Variants in LRP1B observed in about 807,000 individuals in gnomAD.
LRP1B encodes the protein low-density lipoprotein receptor-related protein 1B.
Under a neutral mutation model 556.6 loss-of-function variants are expected in LRP1B, and 217 were observed. That is an observed-to-expected ratio of 0.39 (90% CI 0.35 to 0.44). The LOEUF is 0.44. Ranked by LOEUF, LRP1B falls within the 20% of genes least tolerant of loss-of-function variation. The probability of loss-of-function intolerance (pLI) is 1.00; values close to 1 mark genes in which losing one functional copy is unlikely to be tolerated. For synonymous variants in LRP1B, 2,047 were observed against 1,865.8 expected (o/e 1.10, Z -2.50); for missense variants, 5,053 against 5,620.8 (o/e 0.90, Z 3.23).
At position 142,062,391 on chromosome 2, in the gene LRP1B, A is replaced by G. The variant is rs566074462; in HGVS notation, c.82+68257T>C. Among the ~76,000 whole-genome samples, 5 of 151,938 alleles carry G rather than the reference A, an allele frequency of 3.3e-5. No individual in the cohort carries two copies. The South Asian group carries it at 1.0e-3, about 32-fold the overall frequency. The stretch of plus-strand genomic sequence containing the variant: ...GCAAGGTCTTTGCTGACCACTGCCT[A>G]TTCACATCTACCATGAAGCCTGCCA... On this transcript the variant is annotated intron_variant, in intron 1 of 90. Coordinates refer to ENST00000389484, the MANE Select transcript of LRP1B (RefSeq NM_018557.3).
At chr2:141,708,140 AT>A (rs1397126223) in intron 2 of LRP1B, among the ~76,000 whole-genome samples, 7 of 152,276 alleles carry the variant, frequency 4.6e-5, no homozygotes, top group African/African-American at 1.2e-4. Flanking sequence ...TCCTAGAACT[AT>A]CCCCATTCCA....
intron 77 of LRP1B, among the ~76,000 whole-genome samples, chr2:140,340,469 C>G (rs1442203342): frequency 6.6e-6 from 1 of 151,364 alleles, no homozygotes; most frequent in Non-Finnish European, 1.5e-5. Flanking sequence ...TTTGTTGGTG[C>G]TTGGGGTGCT....
chr2:140,467,511 G>T (rs1209870064), intron 60 of LRP1B, among the ~76,000 whole-genome samples: 1 of 151,628 alleles, frequency 6.6e-6, no homozygotes, highest in African/African-American at 2.4e-5. Context: ...TACTTGGGAG[G>T]CTGAGCCAGG....
Position 140,779,714 on chromosome 2 carries a change from A to AGT in LRP1B, c.5360-3478_5360-3477dup, listed in dbSNP as rs1553531423. ...TGTCTCAAAAAAAAAAAAAAAAAAA[A>AGT]GTGTGTGTGTGTGTGTGGTGTGTCT... On this transcript the variant is annotated intron_variant, in intron 32 of 90. Coordinates refer to ENST00000389484, the MANE Select transcript of LRP1B (RefSeq NM_018557.3). Among the ~76,000 whole-genome samples the AGT allele has an allele frequency of 4.1e-3, 556 of 136,242 alleles. 7 individuals carry two copies. Among genetic ancestry groups the AGT allele is most frequent in the African/African-American group, 0.01 (362 of 35,760 alleles). The allele number at this position is 136,242 out of a possible 152,430, so 89.4% of individuals were successfully genotyped here.
chr2:141,323,445 C>T (rs1308192336), intron 3 of LRP1B, among the ~76,000 whole-genome samples: 5 of 152,046 alleles, frequency 3.3e-5, no homozygotes, highest in Admixed American at 2.6e-4. Context: ...AAATATCAAA[C>T]ACAATCCTTA....
chr2:141,359,758 GCGCCCCGCCC>G (rs371145040), intron 3 of LRP1B, among the ~76,000 whole-genome samples: 3,022 of 142,256 alleles, frequency 0.021, 120 homozygotes, highest in African/African-American at 0.071. Context: ...TTCGGCCCCC[GCGCCCCGCCC>G]CGCCCCGCCC....
At chr2:140,338,165 G>A (rs1186282282) in intron 77 of LRP1B, among the ~76,000 whole-genome samples, 1 of 151,662 alleles carries the variant, frequency 6.6e-6, no homozygotes, top group Non-Finnish European at 1.5e-5. Context: ...CTGGAACAAG[G>A]AATCCCTAAT....
At chr2:140,867,500 C>T (rs1285354732) in intron 27 of LRP1B, 90 bp downstream of exon 27, 5 of 1,354,460 alleles carry the variant, frequency 3.7e-6, no homozygotes, top group African/African-American at 1.5e-5. Context: ...TAACTTTTAA[C>T]TTATAGAAGT....
In LRP1B at chr2:141,201,294, C is replaced by T. The variant is rs573201510; in HGVS notation, c.851-12711G>A. 8.5e-5 allele frequency among the ~76,000 whole-genome samples: 13 copies of T among 152,240 alleles called. 1 individual carries two copies. The South Asian group carries it at 2.5e-3, about 29-fold the overall frequency. On this transcript the variant is annotated intron_variant, in intron 6 of 90. Transcript: ENST00000389484. Reference sequence around the variant, plus strand: ...ATGTCGTACTAAGGATGAAATACTACCACATCCACTTATGCGTTAAAACTG... The same window carrying T: ...ATGTCGTACTAAGGATGAAATACTATCACATCCACTTATGCGTTAAAACTG...
rs897356892 is a variant in LRP1B, at chr2:140,950,501, T to A, written c.2969-99A>T. The A allele has an allele frequency of 4.4e-5, 45 of 1,021,512 alleles. No homozygotes were observed. The Middle Eastern group carries it at 1.1e-3, about 24-fold the overall frequency. 63.3% of individuals were successfully genotyped at this position (1,021,512 alleles called of 1,614,324 possible). On this transcript the variant is annotated intron_variant, in intron 19 of 90. Transcript: ENST00000389484. ...GGTTTCTGTTGTTGTTGTTGTTTTT[T>A]GAGACAGAGTCTTGCTCTGTCACCC...
intron 3 of LRP1B, among the ~76,000 whole-genome samples, chr2:141,289,273 T>C (rs1573759396): frequency 1.4e-5 from 2 of 145,702 alleles, no homozygotes; most frequent in Admixed American, 7.2e-5. Context: ...TCCCAGCTAC[T>C]GGGGAGGCTG....
intron 35 of LRP1B, among the ~76,000 whole-genome samples, chr2:140,717,705 A>G (rs1687262012): frequency 6.6e-6 from 1 of 152,156 alleles, no homozygotes; most frequent in African/African-American, 2.4e-5. Flanking sequence ...GGCCATTTGA[A>G]GAATAAATCC....
chr2:141,980,042 G>A (rs1180325568), intron 1 of LRP1B, among the ~76,000 whole-genome samples: 2 of 152,096 alleles, frequency 1.3e-5, no homozygotes, highest in Non-Finnish European at 2.9e-5. Flanking sequence ...TGATACAATA[G>A]TCCAAATCAT....
At position 141,830,914 on chromosome 2, in the gene LRP1B, G is replaced by A. The variant is rs115668255; in HGVS notation, c.83-20513C>T. On this transcript the variant is annotated intron_variant, in intron 1 of 90. Transcript: ENST00000389484. ...TCTAGAAAACTAAGCATAGCTAAGT[G>A]CATCTTAAAAATTCTCCTGGTGCTC... is the stretch of plus-strand genomic sequence containing the variant. Among the ~76,000 whole-genome samples the A allele has an allele frequency of 7.0e-3, 1,064 of 151,780 alleles. 12 individuals carry two copies. The highest frequency in any genetic ancestry group is 0.025 in the African/African-American group (1,032 of 41,480).
intron 2 of LRP1B, among the ~76,000 whole-genome samples, chr2:141,650,384 G>T (rs1472751935): frequency 6.6e-6 from 1 of 152,176 alleles, no homozygotes. Flanking sequence ...GGAGAGGTAT[G>T]GCTGAGGAAT....
chr2:140,590,973 C>T (rs1181078580), intron 43 of LRP1B, among the ~76,000 whole-genome samples: 1 of 152,148 alleles, frequency 6.6e-6, no homozygotes, highest in African/African-American at 2.4e-5. Context: ...CATAGACTTG[C>T]TGTATTCTTT....
chr2:141,121,758 G>T (rs1701055770), intron 7 of LRP1B, among the ~76,000 whole-genome samples: 1 of 148,690 alleles, frequency 6.7e-6, no homozygotes, highest in African/African-American at 2.5e-5. Flanking sequence ...CTACTTTAAA[G>T]TTCATATGGA....
intron 1 of LRP1B, among the ~76,000 whole-genome samples, chr2:141,923,732 T>G (rs1351185077): frequency 2.0e-5 from 3 of 151,774 alleles, no homozygotes; most frequent in Admixed American, 2.0e-4. Flanking sequence ...ACTCCAGAAT[T>G]AACTCATGGT....
At chr2:140,795,244 C>A (rs916396653) in intron 32 of LRP1B, among the ~76,000 whole-genome samples, 2 of 152,056 alleles carry the variant, frequency 1.3e-5, no homozygotes, top group Admixed American at 6.5e-5. Flanking sequence ...ATAACAGAAT[C>A]TTTTTTTCCT....
Sources: allele counts gnomAD v4.1 joint callset (sites outside exome capture counted in the v4.1 genomes callset), GRCh38; gene constraint gnomAD v4.1.1; transcripts MANE v1.5; gene names NCBI Gene and HGNC (gene_info 2026-07-23, HGNC 2026-07-21).